Variants in PCTP observed in about 807,000 individuals in gnomAD.
PCTP encodes the protein phosphatidylcholine transfer protein.
PCTP carries 27 observed loss-of-function variants against 31.0 expected under a neutral mutation model. The observed-to-expected ratio is 0.87, with a 90% CI of 0.64 to 1.20. The LOEUF is 1.20. Ranked by LOEUF, PCTP falls within the 50% of genes most tolerant of loss-of-function variation. The probability of loss-of-function intolerance (pLI) is 0.00; values close to 1 mark genes in which losing one functional copy is unlikely to be tolerated. For synonymous variants in PCTP, 108 were observed against 101.2 expected (o/e 1.07, Z -0.40); for missense variants, 287 against 268.2 (o/e 1.07, Z -0.49).
At chr17:55,757,106 T>C (rs1200228061) in intron 1 of PCTP, among the ~76,000 whole-genome samples, 1 of 151,874 alleles carries the variant, frequency 6.6e-6, no homozygotes, top group East Asian at 2.0e-4. Context: ...AATCTCAAAT[T>C]TGAGCATGCA....
chr17:55,784,145 G>A (rs1038663383), intron 2 of PCTP, among the ~76,000 whole-genome samples: 4 of 152,176 alleles, frequency 2.6e-5, no homozygotes, highest in Non-Finnish European at 5.9e-5. Context: ...GTGGCCTGGG[G>A]GAGAATTTCA....
chr17:55,753,605 G>A (rs1909832851), intron 1 of PCTP, among the ~76,000 whole-genome samples: 1 of 152,160 alleles, frequency 6.6e-6, no homozygotes. Context: ...ACATGCTCCT[G>A]CATTGCCTCT....
intron 2 of PCTP, 198 bp from the exon 3 acceptor site, chr17:55,770,908 T>TA (rs1555566209): frequency 5.0e-4 from 210 of 418,132 alleles, no homozygotes; most frequent in Middle Eastern, 1.2e-3. Flanking sequence ...TTTTTTTTTT[T>TA]TATATATAGA....
At chr17:55,805,363 C>G (rs1033229621) in intron 3 of PCTP, among the ~76,000 whole-genome samples, 1 of 152,020 alleles carries the variant, frequency 6.6e-6, no homozygotes, top group Non-Finnish European at 1.5e-5. Context: ...CTCCTTCCCA[C>G]CTTCCCCCAT....
downstream of PCTP, among the ~76,000 whole-genome samples, chr17:55,825,031 C>T (rs185735183): frequency 5.3e-5 from 8 of 152,202 alleles, no homozygotes; most frequent in African/African-American, 1.7e-4. Flanking sequence ...ATGGCTCTTA[C>T]GTTAAGAAGA....
intron 1 of PCTP, among the ~76,000 whole-genome samples, chr17:55,752,162 C>T (rs1909748486): frequency 6.6e-6 from 1 of 152,174 alleles, no homozygotes; most frequent in South Asian, 2.1e-4. Flanking sequence ...GGTTCATGAT[C>T]TTGTGAATGT....
intron 3 of PCTP, among the ~76,000 whole-genome samples, chr17:55,814,706 G>A (rs888748315): frequency 9.2e-5 from 14 of 152,214 alleles, no homozygotes; most frequent in African/African-American, 3.4e-4. Context: ...GTGAACACTG[G>A]AGAAAGGAAT....
chr17:55,809,169 T>C (rs772836955), intron 3 of PCTP, among the ~76,000 whole-genome samples: 23 of 152,310 alleles, frequency 1.5e-4, no homozygotes, highest in Non-Finnish European at 2.6e-4. Flanking sequence ...AAAAATAATA[T>C]TTAGAATTTT....
chr17:55,837,091 A>G (rs1905801991), intron 5 of PCTP, among the ~76,000 whole-genome samples: 1 of 152,192 alleles, frequency 6.6e-6, no homozygotes, highest in South Asian at 2.1e-4. Context: ...GCAGTTTGGC[A>G]TATCTGAGAA....
intron 1 of PCTP, among the ~76,000 whole-genome samples, chr17:55,765,328 A>C (rs1910577732): frequency 6.6e-6 from 1 of 152,192 alleles, no homozygotes; most frequent in Admixed American, 6.5e-5. Context: ...ACTTGTTCAA[A>C]AGAGAACTCT....
chr17:55,851,299 T>C, the PCTP span, among the ~76,000 whole-genome samples: 1 of 152,190 alleles, frequency 6.6e-6, no homozygotes, highest in East Asian at 1.9e-4. Flanking sequence ...CTCCAGGAAA[T>C]TCAGAACATT....
intron 1 of PCTP, among the ~76,000 whole-genome samples, chr17:55,757,535 AT>A (rs1287102270): frequency 1.8e-5 from 2 of 113,004 alleles, no homozygotes; most frequent in African/African-American, 5.4e-5. Flanking sequence ...CACATATAGT[AT>A]ATATGAATAT....
In PCTP at chr17:55,776,844, T is replaced by C; in HGVS notation, c.*744T>C. On this transcript the variant is annotated 3_prime_UTR_variant, in exon 6 of 6. Transcript: ENST00000268896. ...ATGATTTCTCTTTTCCATATGTCAC[T>C]GGGGGAAAGGCTGCCTGTACCTCTC... The C allele has an allele frequency of 2.0e-6, 2 of 1,006,072 alleles. No individual in the cohort carries two copies. The highest frequency in any genetic ancestry group is 2.4e-6 in the Non-Finnish European group (2 of 843,972). 62.3% of individuals were successfully genotyped at this position (1,006,072 alleles called of 1,614,324 possible).
intron 2 of PCTP, among the ~76,000 whole-genome samples, chr17:55,786,007 G>A (rs1911733313): frequency 6.6e-6 from 1 of 152,204 alleles, no homozygotes. Flanking sequence ...TGTGGGCTGG[G>A]CACGGTGGCT....
Position 55,776,217 on chromosome 17 carries a change from C to T in PCTP, c.*117C>T, listed in dbSNP as rs554754075. On this transcript the variant is annotated 3_prime_UTR_variant, in exon 6 of 6. Transcript: ENST00000268896. The stretch of plus-strand genomic sequence containing the variant: ...CTGGAAGTGTCTCTGGAAGAGCACC[C>T]ACCACTGTTCAGCCTTCCCCTGCTG... The T allele has an allele frequency of 7.4e-5, 111 of 1,495,734 alleles. 1 individual carries two copies. In the East Asian group the frequency reaches 2.7e-3, roughly 36 times the overall value. 92.7% of individuals were successfully genotyped at this position (1,495,734 alleles called of 1,614,324 possible).
intron 5 of PCTP, among the ~76,000 whole-genome samples, chr17:55,836,936 G>A (rs1253224377): frequency 1.3e-5 from 2 of 152,210 alleles, no homozygotes; most frequent in Non-Finnish European, 2.9e-5. Flanking sequence ...TAACCTAGTC[G>A]ATGGTGGAGC....
chr17:55,836,607 C>T (rs1027531360), intron 5 of PCTP, among the ~76,000 whole-genome samples: 3 of 152,202 alleles, frequency 2.0e-5, no homozygotes, highest in Non-Finnish European at 4.4e-5. Context: ...CATTCTTCTC[C>T]TTAAAGTTCT....
chr17:55,774,486 T>C (rs1241762719), intron 4 of PCTP, among the ~76,000 whole-genome samples: 1 of 152,192 alleles, frequency 6.6e-6, no homozygotes, highest in Non-Finnish European at 1.5e-5. Context: ...AGTTATAAAA[T>C]GGGATTAATT....
At chr17:55,769,426 A>G (rs951629806) in intron 2 of PCTP, 7 of 152,164 alleles carry the variant, frequency 4.6e-5, no homozygotes, top group Non-Finnish European at 1.5e-5. Context: ...TGTGACATAG[A>G]CTCTGCCAAT....
Sources: gnomAD v4.1 joint callset for allele counts (sites outside exome capture counted in the v4.1 genomes callset) on GRCh38, gnomAD v4.1.1 for gene constraint, MANE v1.5 for transcripts, NCBI Gene and HGNC (gene_info 2026-07-23, HGNC 2026-07-21) for gene names.